TENM2: variants seen among roughly 807,000 people sequenced by gnomAD.
TENM2 encodes the protein teneurin-2.
In TENM2, 52 loss-of-function variants were observed where a neutral mutation model predicts 245.2. That is an observed-to-expected ratio of 0.21 (90% CI 0.17 to 0.27). TENM2 has a LOEUF of 0.27. TENM2 is among the 10% of genes least tolerant of loss of function. The pLI, the probability that TENM2 is intolerant of heterozygous loss-of-function variation, is 1.00. For missense variants in TENM2, 3,046 were observed against 3,666.8 expected, an observed-to-expected ratio of 0.83 and a Z score of 4.37; for synonymous variants, 1,363 against 1,438.9, an observed-to-expected ratio of 0.95 and a Z score of 1.19.
chr5:168,153,825 AG>A (rs1756871299), intron 12 of TENM2, among the ~76,000 whole-genome samples: 1 of 152,162 alleles, frequency 6.6e-6, no homozygotes, highest in Non-Finnish European at 1.5e-5. Flanking sequence ...TGCTGGTCCC[AG>A]GACCACACTT....
intron 5 of TENM2, among the ~76,000 whole-genome samples, chr5:168,020,992 A>G (rs573902182): frequency 6.6e-6 from 1 of 152,372 alleles, no homozygotes; most frequent in South Asian, 2.1e-4. Context: ...TTATATGCTC[A>G]GAATTGTCTC....
At chr5:167,998,894 T>A (rs1784241076) in intron 5 of TENM2, among the ~76,000 whole-genome samples, 1 of 152,172 alleles carries the variant, frequency 6.6e-6, no homozygotes, top group South Asian at 2.1e-4. Flanking sequence ...AATGAGAGAT[T>A]ATTTTCTATG....
the TENM2 span, among the ~76,000 whole-genome samples, chr5:167,030,928 C>T: frequency 2.0e-5 from 3 of 152,214 alleles, no homozygotes; most frequent in Non-Finnish European, 2.9e-5. Flanking sequence ...CATCCAGGTC[C>T]ATGTAGCGGT....
At chr5:167,031,346 A>C in the TENM2 span, among the ~76,000 whole-genome samples, 4 of 152,246 alleles carry the variant, frequency 2.6e-5, no homozygotes. Flanking sequence ...ATTATTTTTT[A>C]ATCCAGATTT....
At chr5:167,689,587 A>G (rs113675742) in intron 2 of TENM2, among the ~76,000 whole-genome samples, 4,867 of 152,276 alleles carry the variant, frequency 0.032, 194 homozygotes, top group African/African-American at 0.084. Flanking sequence ...AAGAAAATAC[A>G]ATATTTAAAA....
exon 29 of TENM2, chr5:168,262,412 C>T: frequency 6.3e-7 from 1 of 1,585,350 alleles, no homozygotes; most frequent in Non-Finnish European, 8.6e-7. Context: ...CCGCAAGGTG[C>T]TAGAGAGCGG....
intron 1 of TENM2, among the ~76,000 whole-genome samples, chr5:167,369,451 A>AT (rs34408184): frequency 0.25 from 37,895 of 150,168 alleles, 5,150 homozygotes; most frequent in South Asian, 0.4. Flanking sequence ...TTGATGAACT[A>AT]TTTTTTTTTT....
intron 2 of TENM2, among the ~76,000 whole-genome samples, chr5:167,421,237 C>T (rs920795137): frequency 2.6e-5 from 4 of 152,170 alleles, no homozygotes; most frequent in African/African-American, 9.7e-5. Flanking sequence ...CCATGCTACT[C>T]AGTGTTGTTT....
chr5:167,588,475 A>G (rs1390426332), intron 2 of TENM2, among the ~76,000 whole-genome samples: 1 of 152,240 alleles, frequency 6.6e-6, no homozygotes, highest in African/African-American at 2.4e-5. Context: ...TGTAGTGACC[A>G]ATACAATTAG....
At chr5:168,113,244 A>G (rs1581346388) in intron 9 of TENM2, among the ~76,000 whole-genome samples, 1 of 152,024 alleles carries the variant, frequency 6.6e-6, no homozygotes, top group Admixed American at 6.6e-5. Flanking sequence ...TGCTTGAGTC[A>G]GGGAGGTAGA....
chr5:168,038,492 G>T (rs1445158880), intron 5 of TENM2, among the ~76,000 whole-genome samples: 1 of 152,074 alleles, frequency 6.6e-6, no homozygotes, highest in Non-Finnish European at 1.5e-5. Flanking sequence ...TCCTTCCTCC[G>T]TAAAATGGGA....
chr5:168,003,871 T>A (rs1298944787), intron 5 of TENM2, among the ~76,000 whole-genome samples: 1 of 152,222 alleles, frequency 6.6e-6, no homozygotes, highest in East Asian at 1.9e-4. Flanking sequence ...TCAATCTATA[T>A]TTCAAGTATA....
At chr5:167,218,703 G>C in the TENM2 span, among the ~76,000 whole-genome samples, 2 of 152,180 alleles carry the variant, frequency 1.3e-5, no homozygotes, top group Non-Finnish European at 2.9e-5. Context: ...ACAACTTGTT[G>C]CTTTTCCAAG....
intron 4 of TENM2, among the ~76,000 whole-genome samples, chr5:167,980,482 C>T (rs1782753330): frequency 6.6e-6 from 1 of 152,024 alleles, no homozygotes; most frequent in African/African-American, 2.4e-5. Context: ...ACCACCTGGA[C>T]ATGGGGAGGA....
At chr5:167,331,414 A>G (rs1185133636) in intron 1 of TENM2, among the ~76,000 whole-genome samples, 1 of 152,186 alleles carries the variant, frequency 6.6e-6, no homozygotes, top group East Asian at 1.9e-4. Flanking sequence ...AGAAAGATGG[A>G]CAGATAGTGC....
intron 2 of TENM2, among the ~76,000 whole-genome samples, chr5:167,872,529 A>G (rs1773024702): frequency 7.9e-5 from 4 of 50,826 alleles, no homozygotes; most frequent in Non-Finnish European, 2.1e-4. Context: ...AGAAAGAAAG[A>G]AAGAAAGAAA....
intron 2 of TENM2, among the ~76,000 whole-genome samples, chr5:167,412,610 C>T (rs578114920): frequency 6.6e-6 from 1 of 152,102 alleles, no homozygotes; most frequent in African/African-American, 2.4e-5. Context: ...TTAAGGCATA[C>T]TTCTTCCTTG....
intron 9 of TENM2, among the ~76,000 whole-genome samples, chr5:168,110,458 C>T (rs932398843): frequency 1.3e-5 from 2 of 152,160 alleles, no homozygotes; most frequent in African/African-American, 2.4e-5. Context: ...GCAATCGAGG[C>T]TGAAAGCAAA....
chr5:167,806,713 A>G (rs1766204167), intron 2 of TENM2, among the ~76,000 whole-genome samples: 1 of 152,106 alleles, frequency 6.6e-6, no homozygotes, highest in African/African-American at 2.4e-5. Context: ...TAATTCACCA[A>G]AATGGCTCGC....
Sources: allele counts gnomAD v4.1 joint callset (sites outside exome capture counted in the v4.1 genomes callset), GRCh38; gene constraint gnomAD v4.1.1; transcripts MANE v1.5; gene names NCBI Gene and HGNC (gene_info 2026-07-23, HGNC 2026-07-21).